The following CLIP1 variants were observed in gnomAD, a reference collection of about 807,000 sequenced individuals.
The protein encoded by CLIP1 is CAP-Gly domain containing linker protein 1, also known as CAP-Gly domain-containing linker protein 1.
Under a neutral mutation model 161.6 loss-of-function variants are expected in CLIP1, and 66 were observed. The ratio of observed to expected loss-of-function variants is 0.41; its 90% CI spans 0.33 to 0.50. The LOEUF (loss-of-function observed/expected upper bound fraction) is 0.50. Ranked by LOEUF, CLIP1 falls within the 20% of genes least tolerant of loss-of-function variation. CLIP1 has a pLI of 0.27. For missense variants in CLIP1, 1,376 were observed against 1,702.0 expected (o/e 0.81, Z 3.37); for synonymous variants, 598 against 626.2 (o/e 0.96, Z 0.67).
chr12:122,362,865 G>C (rs1339217909), intron 4 of CLIP1, among the ~76,000 whole-genome samples: 1 of 151,394 alleles, frequency 6.6e-6, no homozygotes, highest in Admixed American at 6.6e-5. Flanking sequence ...GCAATGCCAT[G>C]ACTCTAAAGG....
intron 20 of CLIP1, among the ~76,000 whole-genome samples, chr12:122,296,330 TTTTA>T (rs1950466308): frequency 6.6e-6 from 1 of 152,194 alleles, no homozygotes; most frequent in Non-Finnish European, 1.5e-5. Context: ...GAAGGGTAAA[TTTTA>T]TTTGATGTAA....
chr12:122,410,426 C>T (rs1215100094), intron 1 of CLIP1, among the ~76,000 whole-genome samples: 1 of 150,366 alleles, frequency 6.7e-6, no homozygotes, highest in East Asian at 1.9e-4. Context: ...TATACACACA[C>T]ACACATATAT....
chr12:122,276,435 G>A lies in CLIP1; in HGVS notation c.3966+1719C>T, dbSNP rs574821941. On this transcript the variant is annotated intron_variant, in intron 24 of 25. Transcript: ENST00000620786. The stretch of plus-strand genomic sequence containing the variant: ...GCACGCAAATTAGGAAACATGAAAC[G>A]AACCATTTGCTGATTGGAAGAAAAG... 32 of 1,269,386 alleles carry A rather than the reference G, an allele frequency of 2.5e-5. No individual in the cohort carries two copies. The African/African-American group carries it at 3.8e-4, about 15-fold the overall frequency. The allele number at this position is 1,269,386 out of a possible 1,614,324, so 78.6% of individuals were successfully genotyped here.
rs1193334977 is a variant in CLIP1, at chr12:122,357,556, T to TG, written c.1006-2245dup. On this transcript the variant is annotated intron_variant, in intron 5 of 25. Transcript: ENST00000620786. ...CCAGCCGCCCCGTCCGGGAGGGAGG[T>TG]GGGGGGGGTCAGCCCCCCCCGCCCG... is the stretch of plus-strand genomic sequence containing the variant. Among the ~76,000 whole-genome samples, 523 of 65,656 alleles carry TG rather than the reference T, an allele frequency of 8.0e-3. 3 individuals are homozygous for TG. Among genetic ancestry groups the TG allele is most frequent in the African/African-American group, 0.013 (187 of 14,164 alleles). 43.1% of individuals were successfully genotyped at this position (65,656 alleles called of 152,430 possible).
intron 5 of CLIP1, among the ~76,000 whole-genome samples, chr12:122,359,475 A>C: frequency 6.6e-6 from 1 of 152,232 alleles, no homozygotes; most frequent in Non-Finnish European, 1.5e-5. Context: ...AGAACAGCAA[A>C]GGAGGCAAGC....
At chr12:122,329,831 T>TG (rs941151747) in intron 15 of CLIP1, among the ~76,000 whole-genome samples, 1 of 151,816 alleles carries the variant, frequency 6.6e-6, no homozygotes, top group Non-Finnish European at 1.5e-5. Context: ...ATATAAAACA[T>TG]GGGGGGCCGG....
rs1244706959 is a variant in CLIP1, at chr12:122,296,880, A to AC, written c.3595-8340_3595-8339insG. Among the ~76,000 whole-genome samples the AC allele has an allele frequency of 4.0e-5, 6 of 151,878 alleles. No individual in the cohort carries two copies. In the South Asian group the frequency reaches 1.2e-3, roughly 32 times the overall value. On this transcript the variant is annotated intron_variant, in intron 20 of 25. Transcript: ENST00000620786. The stretch of plus-strand genomic sequence containing the variant: ...CTACCTCAAAAAAAAAAAAAAAAAA[A>AC]AAACATGCAGGGCAAACAAGGTAGA...
At chr12:122,339,661 A>G (rs751555415) in intron 11 of CLIP1, among the ~76,000 whole-genome samples, 3 of 152,184 alleles carry the variant, frequency 2.0e-5, no homozygotes, top group Non-Finnish European at 4.4e-5. Flanking sequence ...CACTGAATTC[A>G]GTCTGTTTTT....
At chr12:122,348,770 C>G (rs1409254174) in intron 9 of CLIP1, among the ~76,000 whole-genome samples, 1 of 152,068 alleles carries the variant, frequency 6.6e-6, no homozygotes, top group Non-Finnish European at 1.5e-5. Context: ...TACTAATTGA[C>G]CTATCAGTCT....
rs936142273 is a variant in CLIP1, at chr12:122,365,406, C to T, written c.658-1299G>A. 1.7e-5 allele frequency: 14 copies of T among 813,200 alleles called. No homozygotes were observed. The Admixed American group carries it at 2.4e-4, about 14-fold the overall frequency. The allele number at this position is 813,200 out of a possible 1,614,324, so 50.4% of individuals were successfully genotyped here. The stretch of plus-strand genomic sequence containing the variant: ...TAAACAAACAAGGGCAAGATTCTTG[C>T]CAAGAGAAATAATGTGCGTATGGAG... On this transcript the variant is annotated intron_variant, in intron 3 of 25. Coordinates refer to ENST00000620786, the MANE Select transcript of CLIP1 (RefSeq NM_001247997.2).
intron 5 of CLIP1, chr12:122,356,257 GC>G (rs1953349672): frequency 6.6e-6 from 1 of 152,148 alleles, no homozygotes; most frequent in Non-Finnish European, 1.5e-5. Context: ...GTGCAGAGAT[GC>G]CCCAGGGTGC....
At chr12:122,289,415 T>C (rs1956001939) in intron 20 of CLIP1, among the ~76,000 whole-genome samples, 1 of 139,120 alleles carries the variant, frequency 7.2e-6, no homozygotes, top group African/African-American at 2.5e-5. Context: ...TGAGACTCCA[T>C]CTAAAAAAAA....
intron 5 of CLIP1, among the ~76,000 whole-genome samples, chr12:122,358,348 T>C (rs1045895417): frequency 3.3e-4 from 50 of 151,706 alleles, no homozygotes; most frequent in Admixed American, 1.9e-3. Flanking sequence ...GACCTTTGTT[T>C]ACTTGTTTAT....
rs200356072 is a variant in CLIP1 at position 122,353,300 on chromosome 12, TGACTGCACTCCA to T, written c.1308-526_1308-515del. On this transcript the variant is annotated intron_variant, in intron 7 of 25. Transcript: ENST00000620786. ...AAGGCTGCAGTGAGTTATGATCGTATGACTGCACTCCAGGCTGCACAACTGAGTGAGACCTTG... is the reference window on the plus strand; with the variant it reads ...AAGGCTGCAGTGAGTTATGATCGTATGGCTGCACAACTGAGTGAGACCTTG... 3.5e-3 allele frequency among the ~76,000 whole-genome samples: 531 copies of T among 152,284 alleles called. 8 individuals are homozygous for T. Among genetic ancestry groups the T allele is most frequent in the African/African-American group, 0.012 (491 of 41,560 alleles).
At chr12:122,327,557 C>T (rs1042973630) in intron 17 of CLIP1, among the ~76,000 whole-genome samples, 107 of 152,146 alleles carry the variant, frequency 7.0e-4, no homozygotes, top group African/African-American at 2.5e-3. Context: ...GTGACCTCTG[C>T]CTCTTGCTTT....
At chr12:122,290,191 G>A (rs1956043610) in intron 20 of CLIP1, among the ~76,000 whole-genome samples, 1 of 152,094 alleles carries the variant, frequency 6.6e-6, no homozygotes, top group Non-Finnish European at 1.5e-5. Flanking sequence ...GCTTTGCTAT[G>A]AGGTCTTATT....
At chr12:122,408,458 T>C (rs986739460) in intron 1 of CLIP1, among the ~76,000 whole-genome samples, 1 of 151,556 alleles carries the variant, frequency 6.6e-6, no homozygotes, top group Admixed American at 6.6e-5. Context: ...ACGCCATTCT[T>C]CTGCCTCAGC....
At chr12:122,310,880 T>A (rs1951038405) in intron 19 of CLIP1, among the ~76,000 whole-genome samples, 1 of 152,198 alleles carries the variant, frequency 6.6e-6, no homozygotes, top group African/African-American at 2.4e-5. Flanking sequence ...TCTCGGCACA[T>A]TCGATTTTCT....
chr12:122,413,570 C>A (rs958603686), intron 1 of CLIP1, among the ~76,000 whole-genome samples: 3 of 152,130 alleles, frequency 2.0e-5, no homozygotes, highest in Non-Finnish European at 2.9e-5. Context: ...TAATTCAAGT[C>A]GGAAGTATTT....
Sources: gnomAD v4.1 joint callset for allele counts (sites outside exome capture counted in the v4.1 genomes callset) on GRCh38, gnomAD v4.1.1 for gene constraint, MANE v1.5 for transcripts, NCBI Gene and HGNC (gene_info 2026-07-23, HGNC 2026-07-21) for gene names.